Variants in REDIC1 observed in about 807,000 individuals in gnomAD.
REDIC1 encodes the protein HEI10 Interacting Protein 1.
At chr12:39,764,126 T>G in the REDIC1 span, among the ~76,000 whole-genome samples, 1 of 152,040 alleles carries the variant, frequency 6.6e-6, no homozygotes, top group African/African-American at 2.4e-5. Context: ...TACCATTTTC[T>G]GTTTTTTTTT....
chr12:39,806,934 A>T, the REDIC1 span, among the ~76,000 whole-genome samples: 21 of 152,326 alleles, frequency 1.4e-4, 1 homozygote, highest in South Asian at 4.4e-3. Context: ...ATGAATCTCC[A>T]GAGAATTATG....
At chr12:39,713,543 T>A in the REDIC1 span, among the ~76,000 whole-genome samples, 754 of 150,410 alleles carry the variant, frequency 5.0e-3, 4 homozygotes, top group Non-Finnish European at 8.5e-3. Flanking sequence ...CGTACATACG[T>A]ATACATGCGT....
the REDIC1 span, among the ~76,000 whole-genome samples, chr12:39,902,014 A>T: frequency 1.3e-5 from 2 of 152,126 alleles, no homozygotes; most frequent in Non-Finnish European, 1.5e-5. Context: ...ATGCAGCCAG[A>T]AAAAAGGATG....
the REDIC1 span, chr12:39,759,870 G>T: frequency 2.2e-5 from 13 of 592,860 alleles, no homozygotes; most frequent in South Asian, 2.9e-4. Context: ...AGTCATCATG[G>T]TTGTATCTTC....
the REDIC1 span, among the ~76,000 whole-genome samples, chr12:39,712,120 A>G: frequency 2.5e-5 from 2 of 79,226 alleles, no homozygotes; most frequent in Non-Finnish European, 5.9e-5. Context: ...ATACCTGTAT[A>G]TATACCTGTA....
chr12:39,781,836 C>T, the REDIC1 span, among the ~76,000 whole-genome samples: 10 of 152,266 alleles, frequency 6.6e-5, no homozygotes, highest in East Asian at 1.9e-4. Flanking sequence ...GGCTCATATA[C>T]GGCCCTCACA....
At chr12:39,896,466 A>T in the REDIC1 span, among the ~76,000 whole-genome samples, 1 of 144,108 alleles carries the variant, frequency 6.9e-6, no homozygotes, top group Admixed American at 7.3e-5. Flanking sequence ...ATATATGTAT[A>T]CATATATGTA....
chr12:39,711,221 A>T, the REDIC1 span, among the ~76,000 whole-genome samples: 2 of 150,570 alleles, frequency 1.3e-5, no homozygotes, highest in Non-Finnish European at 3.0e-5. Context: ...CTGCGTTTTT[A>T]ATCTACCATA....
chr12:39,685,077 G>T, the REDIC1 span: 1 of 525,554 alleles, frequency 1.9e-6, no homozygotes, highest in Non-Finnish European at 3.2e-6. Context: ...TTTTTATTCT[G>T]AGGAAATTAT....
the REDIC1 span, among the ~76,000 whole-genome samples, chr12:39,644,210 T>A: frequency 6.6e-6 from 1 of 151,760 alleles, no homozygotes; most frequent in East Asian, 1.9e-4. Flanking sequence ...GTTACCAAAG[T>A]TTAGCTAGAG....
At chr12:39,736,944 T>C in the REDIC1 span, 12 of 152,208 alleles carry the variant, frequency 7.9e-5, no homozygotes, top group Admixed American at 7.9e-4. Context: ...TCAGATTTCA[T>C]ATTTATGATA....
At chr12:39,782,066 A>G in the REDIC1 span, among the ~76,000 whole-genome samples, 1 of 152,228 alleles carries the variant, frequency 6.6e-6, no homozygotes, top group Non-Finnish European at 1.5e-5. Flanking sequence ...AGGTAATCAT[A>G]GTATGGAACT....
chr12:39,702,381 C>G, the REDIC1 span, among the ~76,000 whole-genome samples: 20 of 152,240 alleles, frequency 1.3e-4, no homozygotes, highest in African/African-American at 4.1e-4. Context: ...AAGACTAAAC[C>G]AGGAAGAAGT....
At chr12:39,881,565 T>C in the REDIC1 span, among the ~76,000 whole-genome samples, 1 of 152,192 alleles carries the variant, frequency 6.6e-6, no homozygotes, top group Non-Finnish European at 1.5e-5. Flanking sequence ...CACCTATTTA[T>C]ACCTGGCCAT....
chr12:39,723,751 A>G, the REDIC1 span, among the ~76,000 whole-genome samples: 1 of 152,170 alleles, frequency 6.6e-6, no homozygotes, highest in African/African-American at 2.4e-5. Flanking sequence ...ATTGGGCTGG[A>G]GTTGGTGTTT....
the REDIC1 span, among the ~76,000 whole-genome samples, chr12:39,702,474 G>T: frequency 6.6e-6 from 1 of 152,116 alleles, no homozygotes; most frequent in Non-Finnish European, 1.5e-5. Flanking sequence ...TCCAGGACCA[G>T]ATGGATTCAC....
At chr12:39,830,073 T>A in the REDIC1 span, 1 of 1,612,552 alleles carries the variant, frequency 6.2e-7, no homozygotes, top group African/African-American at 1.3e-5. Flanking sequence ...AATATTATTA[T>A]ATATTCGTAT....
the REDIC1 span, among the ~76,000 whole-genome samples, chr12:39,703,529 A>G: frequency 6.6e-6 from 1 of 151,874 alleles, no homozygotes; most frequent in Non-Finnish European, 1.5e-5. Flanking sequence ...TTACAGATTC[A>G]ATGCCATCCC....
the REDIC1 span, among the ~76,000 whole-genome samples, chr12:39,774,536 G>T: frequency 6.6e-6 from 1 of 150,910 alleles, no homozygotes; most frequent in African/African-American, 2.4e-5. Flanking sequence ...TTGCAGTGTG[G>T]AGACCATGTT....
Sources: gnomAD v4.1 joint callset for allele counts (sites outside exome capture counted in the v4.1 genomes callset) on GRCh38, gnomAD v4.1.1 for gene constraint, MANE v1.5 for transcripts, NCBI Gene and HGNC (gene_info 2026-07-23, HGNC 2026-07-21) for gene names.